Variants in GRHL2 observed in about 807,000 individuals in gnomAD.
GRHL2 encodes the protein grainyhead like transcription factor 2.
In GRHL2, 21 loss-of-function variants were observed where a neutral mutation model predicts 83.8. The observed-to-expected ratio is 0.25, with a 90% confidence interval of 0.18 to 0.36. The LOEUF is 0.36. Ranked by LOEUF, GRHL2 falls within the 10% of genes least tolerant of loss-of-function variation. The pLI, the probability that GRHL2 is intolerant of heterozygous loss-of-function variation, is 1.00. For missense variants in GRHL2, 623 were observed against 781.8 expected (o/e 0.80, Z 2.42); for synonymous variants, 280 against 278.9 (o/e 1.00, Z -0.04).
chr8:101,674,320 TAAA>T (rs1050155404), downstream of GRHL2, among the ~76,000 whole-genome samples: 9 of 151,468 alleles, frequency 5.9e-5, no homozygotes, highest in East Asian at 1.8e-3. Flanking sequence ...GCAAGACTAA[TAAA>T]GAAGAAAAGA....
chr8:101,532,651 G>A (rs184300736), intron 1 of GRHL2, among the ~76,000 whole-genome samples: 97 of 152,140 alleles, frequency 6.4e-4, no homozygotes, highest in Middle Eastern at 3.4e-3. Flanking sequence ...TCGGCGGGGG[G>A]GCTGAGGCAG....
At chr8:101,567,824 C>T (rs547820) in intron 4 of GRHL2, among the ~76,000 whole-genome samples, 87,681 of 151,986 alleles carry the variant, frequency 0.58, 27,207 homozygotes, top group Non-Finnish European at 0.7. Flanking sequence ...GTCCAATATG[C>T]TTTAGGAGGT....
chr8:101,550,550 G>A (rs1056470469), intron 2 of GRHL2, among the ~76,000 whole-genome samples: 2 of 152,076 alleles, frequency 1.3e-5, no homozygotes, highest in African/African-American at 4.8e-5. Flanking sequence ...CGTCTGTGGG[G>A]TCTCCTTAAA....
At chr8:101,564,502 G>A (rs1161298404) in intron 4 of GRHL2, among the ~76,000 whole-genome samples, 2 of 152,062 alleles carry the variant, frequency 1.3e-5, no homozygotes, top group Non-Finnish European at 2.9e-5. Context: ...AAAAGACAGT[G>A]GTAGCATTAA....
intron 2 of GRHL2, among the ~76,000 whole-genome samples, chr8:101,551,324 T>C (rs930149742): frequency 6.6e-6 from 1 of 152,218 alleles, no homozygotes; most frequent in Non-Finnish European, 1.5e-5. Flanking sequence ...GGGACTATTG[T>C]TATGCCCATT....
chr8:101,554,478 C>T (rs1300415606), intron 3 of GRHL2, among the ~76,000 whole-genome samples: 1 of 152,072 alleles, frequency 6.6e-6, no homozygotes, highest in African/African-American at 2.4e-5. Flanking sequence ...GCAACAGCTG[C>T]TCATTGTATT....
At chr8:101,595,202 G>A (rs1040062523) in intron 7 of GRHL2, among the ~76,000 whole-genome samples, 6 of 152,152 alleles carry the variant, frequency 3.9e-5, no homozygotes, top group Non-Finnish European at 7.4e-5. Context: ...ATTAAGTGAA[G>A]GTGATAGAAA....
At chr8:101,533,208 C>T (rs181876698) in intron 1 of GRHL2, among the ~76,000 whole-genome samples, 1 of 152,048 alleles carries the variant, frequency 6.6e-6, no homozygotes, top group East Asian at 1.9e-4. Context: ...TGGATTGATG[C>T]TTATTAAATT....
At chr8:101,591,892 A>T (rs898566728) in intron 7 of GRHL2, among the ~76,000 whole-genome samples, 1 of 152,090 alleles carries the variant, frequency 6.6e-6, no homozygotes, top group African/African-American at 2.4e-5. Context: ...GTGTTTCAGG[A>T]TGAGCTTCCA....
intron 5 of GRHL2, among the ~76,000 whole-genome samples, 160 bp downstream of exon 5, chr8:101,570,554 T>C (rs1811801072): frequency 6.6e-6 from 1 of 152,198 alleles, no homozygotes; most frequent in African/African-American, 2.4e-5. Context: ...AGGACTTCTA[T>C]ATCATTATTT....
intron 8 of GRHL2, among the ~76,000 whole-genome samples, chr8:101,603,043 T>G (rs1812551117): frequency 6.6e-6 from 1 of 152,176 alleles, no homozygotes. Flanking sequence ...ATGCTCACAA[T>G]AGTGGTAAAT....
intron 1 of GRHL2, among the ~76,000 whole-genome samples, chr8:101,503,204 T>C (rs958211280): frequency 1.3e-5 from 2 of 152,238 alleles, no homozygotes; most frequent in African/African-American, 2.4e-5. Flanking sequence ...TTATGTTTCC[T>C]CTGCAAACTA....
intron 8 of GRHL2, among the ~76,000 whole-genome samples, chr8:101,615,098 C>G (rs1812827315): frequency 6.6e-6 from 1 of 152,198 alleles, no homozygotes; most frequent in Admixed American, 6.5e-5. Context: ...AGAACCTAGC[C>G]TAAGTGTCTC....
At chr8:101,599,009 G>C (rs200058918) in intron 7 of GRHL2, 48 bp from the exon 8 acceptor site, 29 of 1,280,976 alleles carry the variant, frequency 2.3e-5, no homozygotes, top group Non-Finnish European at 3.1e-5. Flanking sequence ...ACATGTCACT[G>C]AGTCACTCTT....
At chr8:101,645,084 A>G (rs1267371014) in intron 13 of GRHL2, among the ~76,000 whole-genome samples, 1 of 147,082 alleles carries the variant, frequency 6.8e-6, no homozygotes, top group African/African-American at 2.6e-5. Flanking sequence ...AGCTCAAGCT[A>G]TCCTCTTGCC....
intron 9 of GRHL2, among the ~76,000 whole-genome samples, chr8:101,626,702 A>G (rs1460903731): frequency 6.6e-6 from 1 of 152,078 alleles, no homozygotes; most frequent in Non-Finnish European, 1.5e-5. Context: ...GATGGAGGGA[A>G]TTATTTTCAA....
chr8:101,651,834 C>G (rs1813627053), intron 14 of GRHL2, among the ~76,000 whole-genome samples: 1 of 152,136 alleles, frequency 6.6e-6, no homozygotes, highest in Admixed American at 6.5e-5. Context: ...TTTCATCTCC[C>G]CTTTATGTCT....
intron 12 of GRHL2, among the ~76,000 whole-genome samples, chr8:101,638,150 G>GT (rs1216194241): frequency 6.6e-6 from 1 of 152,044 alleles, no homozygotes; most frequent in Non-Finnish European, 1.5e-5. Flanking sequence ...ATCTTTAGAT[G>GT]TTTTTTCTTC....
intron 2 of GRHL2, 31 bp from the exon 3 acceptor site, chr8:101,552,684 A>T (rs1188776123): frequency 1.2e-6 from 2 of 1,609,532 alleles, no homozygotes. Context: ...GCCTCTGTGT[A>T]TGTCTGACTG....
Sources: gnomAD v4.1 joint callset for allele counts (sites outside exome capture counted in the v4.1 genomes callset) on GRCh38, gnomAD v4.1.1 for gene constraint, MANE v1.5 for transcripts, NCBI Gene and HGNC (gene_info 2026-07-23, HGNC 2026-07-21) for gene names.